Variants in TXNRD3 observed in about 807,000 individuals in gnomAD.
TXNRD3 encodes the protein TXNRD3 neighbor gene protein.
Under a neutral mutation model 78.2 loss-of-function variants are expected in TXNRD3, and 68 were observed. The observed-to-expected ratio is 0.87, with a 90% CI of 0.72 to 1.06. The LOEUF is 1.06. Ranked by LOEUF, TXNRD3 falls within the 50% of genes least tolerant of loss-of-function variation. The pLI is 0.00. For synonymous variants in TXNRD3, 296 were observed against 300.1 expected (o/e 0.99, Z 0.14); for missense variants, 751 against 809.5 (o/e 0.93, Z 0.88).
At chr3:126,620,414 G>C (rs1230133235) in intron 12 of TXNRD3, among the ~76,000 whole-genome samples, 1 of 151,998 alleles carries the variant, frequency 6.6e-6, no homozygotes, top group Non-Finnish European at 1.5e-5. Flanking sequence ...CAGTTACGGA[G>C]GTAAACATCC....
At chr3:126,631,181 A>T (rs1938706720) in intron 8 of TXNRD3, among the ~76,000 whole-genome samples, 1 of 146,578 alleles carries the variant, frequency 6.8e-6, no homozygotes, top group Non-Finnish European at 1.5e-5. Context: ...TATAGAAAAT[A>T]TCAGACTACA....
intron 13 of TXNRD3, among the ~76,000 whole-genome samples, chr3:126,611,814 G>C (rs1023237299): frequency 6.6e-6 from 1 of 152,128 alleles, no homozygotes; most frequent in Non-Finnish European, 1.5e-5. Context: ...AATGTAGTAT[G>C]AACAATAATC....
intron 13 of TXNRD3, among the ~76,000 whole-genome samples, chr3:126,611,937 G>T (rs946219967): frequency 6.6e-6 from 1 of 152,100 alleles, no homozygotes; most frequent in African/African-American, 2.4e-5. Context: ...TTTTATTAAG[G>T]AGGTATCACA....
chr3:126,637,205 A>C (rs1932930355), intron 6 of TXNRD3, among the ~76,000 whole-genome samples: 1 of 152,148 alleles, frequency 6.6e-6, no homozygotes. Flanking sequence ...TTTCATCAAG[A>C]TATTTAACAT....
In TXNRD3 at chr3:126,621,748, T is replaced by C; in HGVS notation, c.1518A>G (p.Leu506=). ...AAAACAGTAAGAAACTTACCTTTTC[T>C]AAAGAGGCCCCAAAAAGTCTCTGAG... Residue 506 remains leucine, a synonymous_variant, in exon 12 of 16, where the codon TTA becomes TTG. Transcript: ENST00000524230. The C allele has an allele frequency of 1.3e-6, 2 of 1,508,190 alleles. No homozygotes were observed. Among genetic ancestry groups the C allele is most frequent in the South Asian group, 1.3e-5 (1 of 78,674 alleles). The allele number at this position is 1,508,190 out of a possible 1,614,324, so 93.4% of individuals were successfully genotyped here.
chr3:126,637,574 C>A (rs1932938838), intron 6 of TXNRD3, among the ~76,000 whole-genome samples: 1 of 151,950 alleles, frequency 6.6e-6, no homozygotes, highest in African/African-American at 2.4e-5. Context: ...TTCTTAATTT[C>A]CTACTTAAAA....
chr3:126,638,840 C>T (rs1429144618), intron 6 of TXNRD3, among the ~76,000 whole-genome samples: 2 of 152,204 alleles, frequency 1.3e-5, no homozygotes, highest in Admixed American at 1.3e-4. Context: ...TAGAAATATT[C>T]AGCACTTAGA....
chr3:126,631,702 G>A, intron 8 of TXNRD3, 62 bp downstream of exon 8: 4 of 1,050,436 alleles, frequency 3.8e-6, no homozygotes, highest in African/African-American at 1.6e-5. Context: ...AAGTAAACTG[G>A]AAACATGTCA....
rs1355662258 is a variant in TXNRD3, at chr3:126,607,434, C to T, written c.*471G>A. The stretch of plus-strand genomic sequence containing the variant: ...TGCAGCCCACAGCAGCCCACAGACA[C>T]TGTTCACCAGTGAGCATGTGTGAAT... On this transcript the variant is annotated 3_prime_UTR_variant, in exon 16 of 16. Coordinates refer to ENST00000524230, the MANE Select transcript of TXNRD3 (RefSeq NM_052883.3). The T allele has an allele frequency of 6.6e-6, 1 of 152,454 alleles. No individual in the cohort carries two copies. Among genetic ancestry groups the T allele is most frequent in the South Asian group, 2.1e-4 (1 of 4,830 alleles). 9.4% of individuals were successfully genotyped at this position (152,454 alleles called of 1,614,324 possible).
chr3:126,622,004 A>T, intron 11 of TXNRD3, 106 bp from the exon 12 acceptor site: 4 of 890,998 alleles, frequency 4.5e-6, no homozygotes, highest in Non-Finnish European at 6.2e-6. Context: ...GACCTCTTAA[A>T]ATTCACGCAC....
intron 8 of TXNRD3, among the ~76,000 whole-genome samples, chr3:126,631,173 T>C (rs1160466305): frequency 4.0e-5 from 6 of 150,262 alleles, no homozygotes; most frequent in African/African-American, 9.8e-5. Context: ...TAAAATAGTA[T>C]AGAAAATATC....
chr3:126,610,229 A>G (rs563449175), intron 14 of TXNRD3, among the ~76,000 whole-genome samples: 1 of 152,218 alleles, frequency 6.6e-6, no homozygotes, highest in Non-Finnish European at 1.5e-5. Flanking sequence ...TGAGAATTAA[A>G]CAAGATAATG....
intron 14 of TXNRD3, among the ~76,000 whole-genome samples, chr3:126,610,489 T>C (rs1938174925): frequency 6.6e-6 from 1 of 152,192 alleles, no homozygotes; most frequent in Non-Finnish European, 1.5e-5. Context: ...CCTCCAATAA[T>C]GGGCTGCTGC....
At chr3:126,613,018 T>C (rs1458100638) in intron 13 of TXNRD3, among the ~76,000 whole-genome samples, 1 of 152,222 alleles carries the variant, frequency 6.6e-6, no homozygotes, top group Non-Finnish European at 1.5e-5. Context: ...ACTGCAGCCA[T>C]GTGATAACAT....
chr3:126,614,171 G>A (rs1938262268), intron 13 of TXNRD3, among the ~76,000 whole-genome samples: 1 of 152,172 alleles, frequency 6.6e-6, no homozygotes, highest in Non-Finnish European at 1.5e-5. Context: ...GCTCTACAAT[G>A]TGTTTGTGTT....
At position 126,635,007 on chromosome 3, in the gene TXNRD3, T is replaced by G. The variant is rs991893668; in HGVS notation, c.713-956A>C. 3.3e-5 allele frequency among the ~76,000 whole-genome samples: 5 copies of G among 152,118 alleles called. No homozygotes were observed. In the East Asian group the frequency reaches 9.7e-4, roughly 29 times the overall value. ...GCCAATGTACCAGTCTCCTAAAATT[T>G]TGCAACCCAGAATAGTCGTTCTTCT... On this transcript the variant is annotated intron_variant, in intron 6 of 15. Coordinates refer to ENST00000524230, the MANE Select transcript of TXNRD3 (RefSeq NM_052883.3).
intron 1 of TXNRD3, among the ~76,000 whole-genome samples, chr3:126,651,906 T>C (rs1471069924): frequency 5.9e-5 from 9 of 152,158 alleles, no homozygotes; most frequent in African/African-American, 2.2e-4. Context: ...ATCTTTATGA[T>C]CTCTGAATAG....
intron 3 of TXNRD3, among the ~76,000 whole-genome samples, chr3:126,645,432 C>A (rs2107627333): frequency 1.3e-5 from 2 of 152,264 alleles, no homozygotes; most frequent in East Asian, 1.9e-4. Context: ...ACTAATAAAG[C>A]AGATTGTTAC....
Position 126,611,148 on chromosome 3 carries a change from G to A in TXNRD3, c.1633-16C>T, listed in dbSNP as rs1057221799. 6.9e-7 allele frequency: 1 copy of A among 1,457,564 alleles called. No homozygotes were observed. Among genetic ancestry groups the A allele is most frequent in the African/African-American group, 1.4e-5 (1 of 70,638 alleles). The allele number at this position is 1,457,564 out of a possible 1,614,324, so 90.3% of individuals were successfully genotyped here. ...TATGATATATCTGGAAGATAAAAGAGAGAAAAAGGGCAGAATTAATGTATA... is the reference window on the plus strand; with the variant it reads ...TATGATATATCTGGAAGATAAAAGAAAGAAAAAGGGCAGAATTAATGTATA... On this transcript the variant is annotated splice_polypyrimidine_tract_variant and intron_variant, in intron 13 of 15. Coordinates refer to ENST00000524230, the MANE Select transcript of TXNRD3 (RefSeq NM_052883.3).
Sources: allele counts gnomAD v4.1 joint callset (sites outside exome capture counted in the v4.1 genomes callset), GRCh38; gene constraint gnomAD v4.1.1; transcripts MANE v1.5; gene names NCBI Gene and HGNC (gene_info 2026-07-23, HGNC 2026-07-21).